DAPK2: variants seen among roughly 807,000 people sequenced by gnomAD.
DAPK2 encodes death-associated protein kinase 2.
Under a neutral mutation model 44.1 loss-of-function variants are expected in DAPK2, and 35 were observed. The observed-to-expected ratio is 0.79, with a 90% CI of 0.61 to 1.05. The LOEUF (loss-of-function observed/expected upper bound fraction) is 1.05, where lower values mean the gene tolerates loss of function less well. Ranked by LOEUF, DAPK2 falls within the 50% of genes least tolerant of loss-of-function variation. The probability of loss-of-function intolerance (pLI) is 0.00; values close to 1 mark genes in which losing one functional copy is unlikely to be tolerated. For missense variants in DAPK2, 453 were observed against 483.2 expected, an observed-to-expected ratio of 0.94 and a Z score of 0.59; for synonymous variants, 174 against 182.6, an observed-to-expected ratio of 0.95 and a Z score of 0.38.
At position 64,013,925 on chromosome 15, in the gene DAPK2, C is replaced by A. The variant is rs1487197704; in HGVS notation, c.92+26245G>T. Among the ~76,000 whole-genome samples, 19 of 152,112 alleles carry A rather than the reference C, an allele frequency of 1.2e-4. No individual in the cohort carries two copies. The highest frequency in any genetic ancestry group is 2.9e-5 in the Non-Finnish European group (2 of 68,028). On this transcript the variant is annotated intron_variant, in intron 1 of 10. Coordinates refer to ENST00000261891, the Ensembl canonical transcript of DAPK2. This position sits in a 1 kb window ranked among gnomAD's most constrained non-coding sequence, Gnocchi z 4.7. ...CATTTCACTTAGAAAATGGGAGAGG[C>A]CCCAACCTTCTCTGGGTGTGGCTGG...
chr15:63,915,952 G>A (rs1167804838), intron 8 of DAPK2, among the ~76,000 whole-genome samples: 1 of 152,136 alleles, frequency 6.6e-6, no homozygotes, highest in East Asian at 1.9e-4. Context: ...TCGACTTGGG[G>A]TGTGAGGGGG....
chr15:64,026,234 CT>C (rs572843214), intron 1 of DAPK2, among the ~76,000 whole-genome samples: 6 of 151,414 alleles, frequency 4.0e-5, no homozygotes, highest in East Asian at 1.9e-4. Flanking sequence ...TAGGGTAACT[CT>C]TTTTTTTTAA....
intron 8 of DAPK2, chr15:63,921,704 G>A (rs2079076826): frequency 6.6e-6 from 1 of 152,238 alleles, no homozygotes; most frequent in Admixed American, 6.5e-5. Flanking sequence ...AATGGCCTAG[G>A]TACATAAGAA....
chr15:64,022,701 T>C (rs754648470), intron 1 of DAPK2, among the ~76,000 whole-genome samples: 1 of 152,106 alleles, frequency 6.6e-6, no homozygotes, highest in Non-Finnish European at 1.5e-5. Context: ...CATCTATAGT[T>C]CCAGCTACTC....
chr15:63,994,613 G>A lies in DAPK2; in HGVS notation c.93-10859C>T, dbSNP rs184784530. ...TTTTTTTTTTTTTTTTTTTTGAGAC[G>A]TAGTCTCCCTCTGTCGCCCAGGCTG... On this transcript the variant is annotated intron_variant, in intron 1 of 10. Transcript: ENST00000261891. Among the ~76,000 whole-genome samples, 1,125 of 121,502 alleles carry A rather than the reference G, an allele frequency of 9.3e-3. 7 individuals are homozygous for A. The highest frequency in any genetic ancestry group is 0.013 in the Admixed American group (124 of 9,454). The allele number at this position is 121,502 out of a possible 152,430, so 79.7% of individuals were successfully genotyped here.
intron 4 of DAPK2, among the ~76,000 whole-genome samples, chr15:63,936,411 G>A (rs556030454): frequency 6.6e-6 from 1 of 152,280 alleles, no homozygotes; most frequent in African/African-American, 2.4e-5. Flanking sequence ...AGGAGTTCGA[G>A]ACCTGCCTGG....
intron 3 of DAPK2, among the ~76,000 whole-genome samples, chr15:63,941,840 A>C (rs2077318122): frequency 6.6e-6 from 1 of 151,744 alleles, no homozygotes; most frequent in South Asian, 2.1e-4. Context: ...AAGTGGCCCC[A>C]CTCTAGCACC....
At chr15:63,992,036 A>G (rs1381259396) in intron 1 of DAPK2, among the ~76,000 whole-genome samples, 1 of 152,166 alleles carries the variant, frequency 6.6e-6, no homozygotes, top group Non-Finnish European at 1.5e-5. Context: ...TGCGGGGTAC[A>G]GGGAGTCAGA....
In DAPK2 at chr15:64,016,286, G is replaced by A. The variant is rs539043260; in HGVS notation, c.92+23884C>T. On this transcript the variant is annotated intron_variant, in intron 1 of 10. Transcript: ENST00000261891. ...TATCCATGAGTTTCCCAAAGTAACT[G>A]GCACTATCCTTCTCCAGCAAGTTTC... Among the ~76,000 whole-genome samples, 165 of 152,340 alleles carry A rather than the reference G, an allele frequency of 1.1e-3. 2 individuals are homozygous for A. The South Asian group carries it at 0.027, about 25-fold the overall frequency.
At chr15:63,937,274 G>T (rs1480933418) in intron 4 of DAPK2, among the ~76,000 whole-genome samples, 1 of 152,184 alleles carries the variant, frequency 6.6e-6, no homozygotes, top group Non-Finnish European at 1.5e-5. Flanking sequence ...TGAGGTATAT[G>T]TCTTTCCAAC....
At chr15:64,006,054 A>C (rs1443294996) in intron 1 of DAPK2, among the ~76,000 whole-genome samples, 5 of 148,538 alleles carry the variant, frequency 3.4e-5, no homozygotes, top group Non-Finnish European at 7.5e-5. Context: ...AAAAAAAAAA[A>C]CCCCACAAAA....
chr15:64,018,649 A>C (rs1382295486), intron 1 of DAPK2, among the ~76,000 whole-genome samples: 1 of 152,324 alleles, frequency 6.6e-6, no homozygotes, highest in East Asian at 1.9e-4. Flanking sequence ...TGAGGAAGGC[A>C]GACACACCCA....
At chr15:63,973,092 G>T (rs1012199991) in intron 2 of DAPK2, among the ~76,000 whole-genome samples, 11 of 152,204 alleles carry the variant, frequency 7.2e-5, no homozygotes, top group Non-Finnish European at 1.2e-4. Flanking sequence ...ATCAAAGGAG[G>T]GGCCTCCACT....
chr15:63,991,754 T>C (rs993553100), intron 1 of DAPK2, among the ~76,000 whole-genome samples: 2 of 152,168 alleles, frequency 1.3e-5, no homozygotes, highest in Non-Finnish European at 2.9e-5. Flanking sequence ...AAACAGAACA[T>C]GCAGATGCTT....
chr15:63,993,318 T>C (rs1474297604), intron 1 of DAPK2, among the ~76,000 whole-genome samples: 2 of 152,176 alleles, frequency 1.3e-5, no homozygotes, highest in Admixed American at 6.5e-5. Flanking sequence ...AGTGGTAAGA[T>C]GACTTGGAGA....
At chr15:63,983,249 CTTT>C (rs2078575583) in intron 2 of DAPK2, among the ~76,000 whole-genome samples, 1 of 152,224 alleles carries the variant, frequency 6.6e-6, no homozygotes, top group Non-Finnish European at 1.5e-5. Flanking sequence ...CATTTCTTCC[CTTT>C]GATCTCCAGG....
intron 3 of DAPK2, among the ~76,000 whole-genome samples, chr15:63,962,757 C>T (rs1160690507): frequency 2.0e-5 from 3 of 152,122 alleles, no homozygotes; most frequent in Non-Finnish European, 2.9e-5. Context: ...GTCAGTCAGC[C>T]CCTATTGGGA....
At chr15:63,967,569 T>A (rs956337348) in intron 3 of DAPK2, among the ~76,000 whole-genome samples, 5 of 152,058 alleles carry the variant, frequency 3.3e-5, no homozygotes, top group African/African-American at 4.8e-5. Flanking sequence ...CAGGCACCTG[T>A]AATCCCAGCT....
intron 7 of DAPK2, 87 bp from the exon 9 acceptor site, chr15:63,924,948 A>T (rs753755959): frequency 7.5e-6 from 11 of 1,470,006 alleles, no homozygotes; most frequent in Non-Finnish European, 1.0e-5. Flanking sequence ...TTAGACCTAT[A>T]TTTTGGCATT....
Sources: gnomAD v4.1 joint callset for allele counts (sites outside exome capture counted in the v4.1 genomes callset) on GRCh38, gnomAD v4.1.1 for gene constraint, Gnocchi (gnomAD v3.1) non-coding constraint, MANE v1.5 for transcripts, NCBI Gene and HGNC (gene_info 2026-07-23, HGNC 2026-07-21) for gene names.